The following MIER2 variants were observed in gnomAD, a reference collection of about 807,000 sequenced individuals.
MIER2 encodes the protein MIER family member 2.
In MIER2, 30 loss-of-function variants were observed where a neutral mutation model predicts 67.6. The observed-to-expected ratio is 0.44, with a 90% confidence interval of 0.33 to 0.60. MIER2 has a LOEUF of 0.60. Among genes scored for constraint, MIER2 ranks in the 20% least tolerant of loss-of-function variants. MIER2 has a pLI of 0.02. For synonymous variants in MIER2, 372 were observed against 312.6 expected (o/e 1.19, Z -2.00); for missense variants, 702 against 745.1 (o/e 0.94, Z 0.67).
In MIER2 at chr19:319,852, G is replaced by A. The variant is rs186416349; in HGVS notation, c.655+5783C>T. Among the ~76,000 whole-genome samples, 22 of 152,268 alleles carry A rather than the reference G, an allele frequency of 1.4e-4. No homozygotes were observed. The East Asian group carries it at 3.9e-3, about 27-fold the overall frequency. On this transcript the variant is annotated intron_variant, in intron 7 of 13. Coordinates refer to ENST00000264819, the MANE Select transcript of MIER2 (RefSeq NM_017550.3). Reference sequence around the variant, plus strand: ...CAGCATAACTCTGGTACCAAAACCAGACACGGACAAATAAAAATAAAAGGA... The same window carrying A: ...CAGCATAACTCTGGTACCAAAACCAAACACGGACAAATAAAAATAAAAGGA...
chr19:327,382 C>G (rs904832198), intron 4 of MIER2, 126 bp from the exon 5 acceptor site: 1 of 1,225,490 alleles, frequency 8.2e-7, no homozygotes, highest in Non-Finnish European at 1.1e-6. Context: ...TATTCCCATT[C>G]TGCAAAGGGT....
intron 1 of MIER2, among the ~76,000 whole-genome samples, chr19:341,423 G>C (rs187235816): frequency 6.6e-6 from 1 of 152,182 alleles, no homozygotes; most frequent in Non-Finnish European, 1.5e-5. Context: ...TAAGGCAGAG[G>C]GGGGCAAAGA....
chr19:330,539 CCT>C (rs1971976617), intron 3 of MIER2, among the ~76,000 whole-genome samples: 1 of 149,024 alleles, frequency 6.7e-6, no homozygotes, highest in Non-Finnish European at 1.5e-5. Flanking sequence ...ACAGCGAGAC[CCT>C]GTCTCAAAAA....
At chr19:328,053 C>T in intron 3 of MIER2, 64 bp from the exon 4 acceptor site, 1 of 1,592,110 alleles carries the variant, frequency 6.3e-7, no homozygotes, top group Non-Finnish European at 8.5e-7. Flanking sequence ...CTGTCCCTGT[C>T]CTCTTGCCTG....
intron 7 of MIER2, among the ~76,000 whole-genome samples, chr19:319,046 A>T (rs2145417312): frequency 9.4e-6 from 1 of 105,898 alleles, no homozygotes; most frequent in African/African-American, 4.1e-5. Context: ...CACAGGTGAG[A>T]CTCTGTCTCA....
chr19:339,304 A>G (rs2145560530), intron 1 of MIER2, among the ~76,000 whole-genome samples: 1 of 152,336 alleles, frequency 6.6e-6, no homozygotes, highest in South Asian at 2.1e-4. Context: ...ATCTGAACAG[A>G]CATTTCTCCA....
In MIER2 at chr19:311,911, C is replaced by G; in HGVS notation, c.918G>C (p.Glu306Asp). The G allele has an allele frequency of 1.9e-6, 3 of 1,614,070 alleles. No homozygotes were observed. Among genetic ancestry groups the G allele is most frequent in the Non-Finnish European group, 2.5e-6 (3 of 1,179,954 alleles). Residue 306 changes from glutamate to aspartate, a missense_variant, in exon 10 of 14, where the codon GAG becomes GAC. Physicochemically the swap from Glu to Asp is conservative, Grantham distance 45. Around this residue, in one of 3 missense-constraint regions of MIER2, gnomAD observed 128 missense variants for 189.7 expected, o/e 0.67. Coordinates refer to ENST00000264819, the MANE Select transcript of MIER2 (RefSeq NM_017550.3). ...RDGLCAWSEE[E>D]CRNFEHGFRV... ...GGAAGCCGTGCTCAAAGTTCCTGCA[C>G]TCCTCTTCACTCCAAGCACAGAGCC...
At chr19:326,962 A>T in intron 5 of MIER2, 171 bp downstream of exon 5, 2 of 868,512 alleles carry the variant, frequency 2.3e-6, no homozygotes, top group South Asian at 3.9e-5. Context: ...CTCACTGGCC[A>T]GCGTGGAGGA....
chr19:344,011 A>G (rs1463395575), intron 1 of MIER2: 1 of 985,330 alleles, frequency 1.0e-6, no homozygotes, highest in Non-Finnish European at 1.2e-6. Flanking sequence ...AATCCCACAG[A>G]TCCTCAAATT....
intron 2 of MIER2, 111 bp from the exon 3 acceptor site, chr19:334,653 G>A (rs1972161812): frequency 7.1e-6 from 10 of 1,402,676 alleles, no homozygotes; most frequent in Admixed American, 4.6e-5. Context: ...TCTGCATGCT[G>A]CCAGGATCAG....
chr19:321,333 G>A (rs770046861), intron 7 of MIER2, among the ~76,000 whole-genome samples: 68 of 152,308 alleles, frequency 4.5e-4, no homozygotes, highest in Admixed American at 2.8e-3. Flanking sequence ...ACCGTGCACC[G>A]TTAACTTAAC....
chr19:315,267 A>C (rs1163972453), intron 7 of MIER2, among the ~76,000 whole-genome samples: 2 of 151,654 alleles, frequency 1.3e-5, no homozygotes, highest in African/African-American at 4.9e-5. Flanking sequence ...CGGGAGGCTG[A>C]GGGAGGAGAA....
chr19:318,412 G>A (rs939463356), intron 7 of MIER2, among the ~76,000 whole-genome samples: 3 of 152,090 alleles, frequency 2.0e-5, no homozygotes, highest in African/African-American at 7.2e-5. Flanking sequence ...CAAAGACAAA[G>A]CAATCTTAAC....
intron 2 of MIER2, among the ~76,000 whole-genome samples, chr19:335,230 C>T (rs1229104851): frequency 1.3e-5 from 2 of 152,238 alleles, no homozygotes; most frequent in East Asian, 3.9e-4. Context: ...CAGTGTAGGC[C>T]AAGGCTGGGG....
At chr19:322,800 T>C (rs1971553411) in intron 7 of MIER2, among the ~76,000 whole-genome samples, 1 of 152,070 alleles carries the variant, frequency 6.6e-6, no homozygotes, top group Admixed American at 6.6e-5. Flanking sequence ...CGAGTGCCTA[T>C]GTCCACTAAC....
In MIER2 at chr19:306,478, G is replaced by T. The variant is rs886194401; in HGVS notation, c.*212C>A. 5 of 678,372 alleles carry T rather than the reference G, an allele frequency of 7.4e-6. No homozygotes were observed. The highest frequency in any genetic ancestry group is 1.8e-5 in the African/African-American group (1 of 55,184). The allele number at this position is 678,372 out of a possible 1,614,324, so 42.0% of individuals were successfully genotyped here. ...CGGGTGGCAGTGCCGGGCGCTGACG[G>T]CGCTGGGTGGGGCCGTGGGTCCATT... On this transcript the variant is annotated 3_prime_UTR_variant, in exon 14 of 14. Coordinates refer to ENST00000264819, the MANE Select transcript of MIER2 (RefSeq NM_017550.3).
At chr19:327,751 T>C in intron 4 of MIER2, 113 bp downstream of exon 4, 1 of 1,493,082 alleles carries the variant, frequency 6.7e-7, no homozygotes, top group African/African-American at 1.4e-5. Flanking sequence ...ACATTCTACT[T>C]ATTCTGGGGG....
rs61743311 is a variant in MIER2 at position 307,145 on chromosome 19, G to A, written c.1590C>T (p.Pro530=). The A allele has an allele frequency of 7.1e-3, 11,310 of 1,586,456 alleles. 544 individuals are homozygous for A. In the Admixed American group the frequency reaches 0.13, roughly 18 times the overall value. ...GTGACAGGGGCTCCGAGTGTAGCCC[G>A]GGGGCCGGGCACGTGGGGTGGGCGG... ...FLAAHPTCPA[P]GLHSEPLSHC... The change falls in exon 13 of 14, where the codon CCC becomes CCT. Residue 530 remains proline, a synonymous_variant. Transcript: ENST00000264819.
At chr19:318,782 C>T (rs746586154) in intron 7 of MIER2, among the ~76,000 whole-genome samples, 3 of 152,122 alleles carry the variant, frequency 2.0e-5, no homozygotes, top group Admixed American at 6.5e-5. Context: ...GGAGGCTGGG[C>T]GCGGTGGCTC....
Sources: gnomAD v4.1 joint callset for allele counts (sites outside exome capture counted in the v4.1 genomes callset) on GRCh38, gnomAD v4.1.1 for gene constraint, gnomAD v4.1.1 regional missense constraint, MANE v1.5 for transcripts, NCBI Gene and HGNC (gene_info 2026-07-23, HGNC 2026-07-21) for gene names.